The following ANKRD12 variants were observed in gnomAD, a reference collection of about 807,000 sequenced individuals.
ANKRD12 encodes the protein ankyrin repeat domain 12.
ANKRD12 carries 85 observed loss-of-function variants against 183.4 expected under a neutral mutation model. The ratio of observed to expected loss-of-function variants is 0.46; its 90% confidence interval spans 0.39 to 0.56. ANKRD12 has a LOEUF of 0.56. Among genes scored for constraint, ANKRD12 ranks in the 20% least tolerant of loss-of-function variants. The pLI is 0.00. For synonymous variants in ANKRD12, 914 were observed against 800.2 expected (o/e 1.14, Z -2.40); for missense variants, 2,405 against 2,357.1 (o/e 1.02, Z -0.42).
chr18:9,144,761 T>C (rs2078436817), intron 1 of ANKRD12, among the ~76,000 whole-genome samples: 1 of 152,180 alleles, frequency 6.6e-6, no homozygotes, highest in East Asian at 1.9e-4. Context: ...CTATATTGCT[T>C]CCTTTCAAAA....
chr18:9,141,341 T>A (rs926715182), intron 1 of ANKRD12, among the ~76,000 whole-genome samples: 1 of 152,206 alleles, frequency 6.6e-6, no homozygotes, highest in African/African-American at 2.4e-5. Flanking sequence ...GCTATTGATA[T>A]CATGCTTCTA....
rs2038563594 is a variant in ANKRD12, at chr18:9,255,644, A to G, written c.2377A>G (p.Ile793Val). ...ATTTACTTCTTTGGGTATGAGTGCC[A>G]TTGAGGAATCTATAGGGCTTCATTT... Reference protein sequence around the residue: ...SEFTSLGMSAIEESIGLHLVE... With the variant: ...SEFTSLGMSAVEESIGLHLVE... The change falls in exon 9 of 13, where the codon ATT becomes GTT. Residue 793 changes from isoleucine (I) to valine (V), a missense_variant. Coordinates refer to ENST00000262126, the MANE Select transcript of ANKRD12 (RefSeq NM_015208.5). 1 of 1,578,826 alleles carries G rather than the reference A, an allele frequency of 6.3e-7. No homozygotes were observed.
At chr18:9,182,135 T>C (rs1051377142) in intron 1 of ANKRD12, among the ~76,000 whole-genome samples, 1 of 152,198 alleles carries the variant, frequency 6.6e-6, no homozygotes, top group Admixed American at 6.5e-5. Context: ...CTTTCACTGC[T>C]TCTGGATACC....
chr18:9,262,276 TAAACC>T (rs1192638796), intron 9 of ANKRD12, among the ~76,000 whole-genome samples: 1 of 152,218 alleles, frequency 6.6e-6, no homozygotes, highest in Non-Finnish European at 1.5e-5. Context: ...AATTGACTGT[TAAACC>T]AGAAGTGTTA....
chr18:9,164,541 C>G (rs1413521766), intron 1 of ANKRD12, among the ~76,000 whole-genome samples: 3 of 152,122 alleles, frequency 2.0e-5, no homozygotes, highest in African/African-American at 7.2e-5. Flanking sequence ...GCATTTAGTG[C>G]TATAGATTTC....
At chr18:9,190,032 C>T (rs781695661) in intron 2 of ANKRD12, among the ~76,000 whole-genome samples, 2 of 152,174 alleles carry the variant, frequency 1.3e-5, no homozygotes, top group Non-Finnish European at 2.9e-5. Context: ...AAATTGAAAA[C>T]CATCTTGAAA....
intron 1 of ANKRD12, among the ~76,000 whole-genome samples, chr18:9,139,283 G>A (rs1451730110): frequency 6.6e-6 from 1 of 152,192 alleles, no homozygotes; most frequent in Non-Finnish European, 1.5e-5. Context: ...CCAGCTGGTA[G>A]AATGAGTTTA....
intron 11 of ANKRD12, among the ~76,000 whole-genome samples, chr18:9,276,143 A>G (rs1371181714): frequency 2.6e-5 from 4 of 152,250 alleles, no homozygotes; most frequent in Non-Finnish European, 2.9e-5. Flanking sequence ...TTACTGCCAC[A>G]TATAAATTAC....
rs748465052 is a variant in ANKRD12, at chr18:9,255,659, G to A, written c.2392G>A (p.Gly798Arg). 1 of 1,586,354 alleles carries A rather than the reference G, an allele frequency of 6.3e-7. No individual in the cohort carries two copies. Reference sequence around the variant, plus strand: ...TATGAGTGCCATTGAGGAATCTATAGGGCTTCATTTAGTGGAAAAGGAAAT... The same window carrying A: ...TATGAGTGCCATTGAGGAATCTATAAGGCTTCATTTAGTGGAAAAGGAAAT... ...LGMSAIEESI[G>R]LHLVEKEIDI... Residue 798 changes from glycine to arginine, a missense_variant, in exon 9 of 13, where the codon GGG becomes AGG. Gly to Arg is a moderately radical substitution (Grantham distance 125). This residue lies in a region of ANKRD12 where 1,983 missense variants were observed against 1,725.9 expected (regional missense o/e 1.15). Transcript: ENST00000262126.
intron 1 of ANKRD12, among the ~76,000 whole-genome samples, chr18:9,146,936 G>A (rs1408390494): frequency 6.6e-6 from 1 of 152,202 alleles, no homozygotes; most frequent in Non-Finnish European, 1.5e-5. Context: ...TATAGTCATG[G>A]AAGTGACAAT....
chr18:9,207,064 G>T (rs1004095166), intron 4 of ANKRD12, among the ~76,000 whole-genome samples: 1 of 151,930 alleles, frequency 6.6e-6, no homozygotes, highest in Non-Finnish European at 1.5e-5. Context: ...TATAGTTAAA[G>T]ATTTGTTATT....
chr18:9,257,693 A>G lies in ANKRD12; in HGVS notation c.4426A>G (p.Asn1476Asp), dbSNP rs567532262. 9 of 1,614,048 alleles carry G rather than the reference A, an allele frequency of 5.6e-6. No individual in the cohort carries two copies. The South Asian group carries it at 9.9e-5, about 18-fold the overall frequency. ...LSLRQTELPG[N>D]SCAQDPASFM... Reference sequence around the variant, plus strand: ...CCTGCGCCAGACTGAACTGCCAGGAAACTCTTGTGCTCAGGATCCGGCATC... The same window carrying G: ...CCTGCGCCAGACTGAACTGCCAGGAGACTCTTGTGCTCAGGATCCGGCATC... Residue 1476 changes from asparagine to aspartate, a missense_variant, in exon 9 of 13, where the codon AAC becomes GAC. This residue lies in a region of ANKRD12 where 1,983 missense variants were observed against 1,725.9 expected (regional missense o/e 1.15). Coordinates refer to ENST00000262126, the MANE Select transcript of ANKRD12 (RefSeq NM_015208.5).
At chr18:9,200,816 A>G (rs927785072) in intron 3 of ANKRD12, among the ~76,000 whole-genome samples, 4 of 152,238 alleles carry the variant, frequency 2.6e-5, no homozygotes, top group African/African-American at 9.6e-5. Flanking sequence ...ATGCAGTAAG[A>G]AGGCCAGGTA....
chr18:9,165,422 A>G (rs925963870), intron 1 of ANKRD12, among the ~76,000 whole-genome samples: 2 of 152,082 alleles, frequency 1.3e-5, no homozygotes, highest in African/African-American at 4.8e-5. Context: ...GTACATTCAC[A>G]TTGTCATGCA....
intron 8 of ANKRD12, among the ~76,000 whole-genome samples, chr18:9,242,531 G>GT (rs1234671864): frequency 6.6e-6 from 1 of 152,064 alleles, no homozygotes; most frequent in East Asian, 1.9e-4. Context: ...CTAGCCATGG[G>GT]TTAAAAGGAC....
intron 9 of ANKRD12, among the ~76,000 whole-genome samples, chr18:9,259,222 A>C (rs548294986): frequency 0.01 from 1,576 of 152,316 alleles, 22 homozygotes; most frequent in African/African-American, 0.036. Flanking sequence ...AAACTATTTC[A>C]GTAAAAATCA....
chr18:9,160,346 C>G (rs1396317818), intron 1 of ANKRD12, among the ~76,000 whole-genome samples: 1 of 152,242 alleles, frequency 6.6e-6, no homozygotes, highest in African/African-American at 2.4e-5. Context: ...CTCCTGGCCT[C>G]AAGTGATCCT....
At chr18:9,140,284 A>G (rs749895005) in intron 1 of ANKRD12, among the ~76,000 whole-genome samples, 3 of 152,216 alleles carry the variant, frequency 2.0e-5, no homozygotes, top group Non-Finnish European at 4.4e-5. Context: ...AAAGTGTAAC[A>G]AGGTGTTTAG....
chr18:9,182,517 A>C lies in ANKRD12; in HGVS notation c.85A>C (p.Lys29Gln). 6.3e-7 allele frequency: 1 copy of C among 1,590,934 alleles called. No individual in the cohort carries two copies. Among genetic ancestry groups the C allele is most frequent in the Non-Finnish European group, 8.6e-7 (1 of 1,165,196 alleles). ...TATGGTAGAGAAACCATATGGAAGAAAGGTATATGATTATACTAAAGATTT... is the reference window on the plus strand; with the variant it reads ...TATGGTAGAGAAACCATATGGAAGACAGGTATATGATTATACTAAAGATTT... ...SNMVEKPYGRKSKDKIASYSK... is the reference protein window; with the variant it reads ...SNMVEKPYGRQSKDKIASYSK... Residue 29 changes from lysine to glutamine, a missense_variant and splice_region_variant, in exon 2 of 13, where the codon AAG becomes CAG. Physicochemically the swap from Lys to Gln is moderately conservative, Grantham distance 53 (BLOSUM62 1). Transcript: ENST00000262126.
Sources: allele counts gnomAD v4.1 joint callset (sites outside exome capture counted in the v4.1 genomes callset), GRCh38; gene constraint gnomAD v4.1.1; regional missense constraint gnomAD v4.1.1; transcripts MANE v1.5; gene names NCBI Gene and HGNC (gene_info 2026-07-23, HGNC 2026-07-21).